LRBA: variants seen among roughly 807,000 people sequenced by gnomAD.
LRBA encodes LPS responsive beige-like anchor protein.
A neutral mutation model predicts 330.0 loss-of-function variants in LRBA; 176 were observed. That is an observed-to-expected ratio of 0.53 (90% CI 0.47 to 0.60). LRBA has a LOEUF of 0.60. LRBA is among the 20% of genes least tolerant of loss of function. The pLI, the probability that LRBA is intolerant of heterozygous loss-of-function variation, is 0.00. For missense variants in LRBA, 3,259 were observed against 3,444.8 expected (o/e 0.95, Z 1.35); for synonymous variants, 1,230 against 1,193.0 (o/e 1.03, Z -0.64).
intron 33 of LRBA, among the ~76,000 whole-genome samples, chr4:150,805,313 G>A (rs1397197114): frequency 2.5e-5 from 3 of 120,312 alleles, no homozygotes; most frequent in South Asian, 2.9e-4. Context: ...GGAAAGGAAA[G>A]GAAAGGAAAG....
At chr4:150,364,818 G>C (rs940140132) in intron 47 of LRBA, among the ~76,000 whole-genome samples, 4 of 152,010 alleles carry the variant, frequency 2.6e-5, no homozygotes, top group African/African-American at 9.7e-5. Flanking sequence ...TCTTGGAACT[G>C]AGCATATAGT....
At chr4:150,783,990 T>G (rs1393208656) in intron 34 of LRBA, among the ~76,000 whole-genome samples, 1 of 152,144 alleles carries the variant, frequency 6.6e-6, no homozygotes, top group Non-Finnish European at 1.5e-5. Context: ...TACTCAGAGA[T>G]AAAATCAGGA....
At chr4:151,008,048 G>T (rs1388149271) in intron 2 of LRBA, among the ~76,000 whole-genome samples, 1 of 151,590 alleles carries the variant, frequency 6.6e-6, no homozygotes, top group Non-Finnish European at 1.5e-5. Context: ...AAAAATCATT[G>T]ACTTGTATAC....
At chr4:150,992,118 C>T (rs544125310) in intron 2 of LRBA, among the ~76,000 whole-genome samples, 1 of 152,256 alleles carries the variant, frequency 6.6e-6, no homozygotes, top group African/African-American at 2.4e-5. Flanking sequence ...GAGTTCGAGA[C>T]CAGCCTAGCC....
chr4:150,503,254 C>G (rs1051323949), intron 40 of LRBA, among the ~76,000 whole-genome samples: 2 of 152,216 alleles, frequency 1.3e-5, no homozygotes, highest in Admixed American at 6.5e-5. Context: ...CAGACCGCCT[C>G]CTCAAGTGGG....
In LRBA at chr4:150,844,634, AAATT is replaced by A; in HGVS notation, c.4461+20_4461+23del. 11 of 1,577,594 alleles carry A rather than the reference AAATT, an allele frequency of 7.0e-6. No homozygotes were observed. Among genetic ancestry groups the A allele is most frequent in the East Asian group, 2.2e-5 (1 of 44,506 alleles). ...TGTAAAATAGGAGTATGCTTTTTGA[AAATT>A]AATTAATCTGTATACTTACCTTCGC... On this transcript the variant is annotated intron_variant, in intron 27 of 56. Transcript: ENST00000651943.
intron 2 of LRBA, among the ~76,000 whole-genome samples, chr4:150,960,664 T>C (rs1292895640): frequency 2.0e-5 from 3 of 149,102 alleles, no homozygotes; most frequent in Non-Finnish European, 4.4e-5. Context: ...CAAAATTCTA[T>C]TTCTTGACCT....
At chr4:150,692,070 T>C (rs1382791677) in intron 36 of LRBA, among the ~76,000 whole-genome samples, 1 of 152,198 alleles carries the variant, frequency 6.6e-6, no homozygotes, top group African/African-American at 2.4e-5. Context: ...GGGAATTCTC[T>C]AGGATGACAA....
chr4:150,648,836 G>C (rs1266541831), intron 37 of LRBA, among the ~76,000 whole-genome samples: 1 of 152,070 alleles, frequency 6.6e-6, no homozygotes, highest in African/African-American at 2.4e-5. Flanking sequence ...TCACACTATA[G>C]TTTCAAGTAC....
intron 35 of LRBA, among the ~76,000 whole-genome samples, chr4:150,755,962 C>T (rs1734233235): frequency 6.6e-6 from 1 of 151,188 alleles, no homozygotes; most frequent in Non-Finnish European, 1.5e-5. Context: ...GAGAGGATCA[C>T]TTGAGCCAGG....
intron 35 of LRBA, among the ~76,000 whole-genome samples, chr4:150,737,466 T>C (rs1231157571): frequency 1.5e-5 from 2 of 131,012 alleles, no homozygotes; most frequent in South Asian, 2.4e-4. Flanking sequence ...ACAGAACGAA[T>C]GAACAAACGA....
At chr4:150,292,412 T>G (rs1315721748) in intron 53 of LRBA, among the ~76,000 whole-genome samples, 2 of 152,230 alleles carry the variant, frequency 1.3e-5, no homozygotes, top group Non-Finnish European at 2.9e-5. Context: ...TATAACGTTT[T>G]CACTTGTAGG....
At chr4:150,566,449 G>A (rs1302135741) in intron 40 of LRBA, among the ~76,000 whole-genome samples, 1 of 151,906 alleles carries the variant, frequency 6.6e-6, no homozygotes, top group Non-Finnish European at 1.5e-5. Context: ...ATTCATGAAT[G>A]AATAAAATAG....
intron 46 of LRBA, among the ~76,000 whole-genome samples, chr4:150,425,644 G>A (rs1749493547): frequency 6.6e-6 from 1 of 152,146 alleles, no homozygotes; most frequent in South Asian, 2.1e-4. Context: ...CAGGCTGTAT[G>A]ATTCTCCTTT....
intron 44 of LRBA, among the ~76,000 whole-genome samples, chr4:150,462,506 CT>C (rs1202507296): frequency 1.3e-5 from 2 of 150,918 alleles, no homozygotes; most frequent in African/African-American, 2.4e-5. Context: ...TCCATTCAGA[CT>C]TTTTTTTTCT....
intron 29 of LRBA, among the ~76,000 whole-genome samples, chr4:150,829,243 G>T (rs985776409): frequency 6.6e-6 from 1 of 151,988 alleles, no homozygotes; most frequent in African/African-American, 2.4e-5. Flanking sequence ...GCCCAAGTCC[G>T]CAATCTTTAG....
chr4:150,937,261 C>T (rs1244379774), intron 2 of LRBA, among the ~76,000 whole-genome samples: 1 of 152,030 alleles, frequency 6.6e-6, no homozygotes, highest in East Asian at 1.9e-4. Flanking sequence ...ACAGGGTCTA[C>T]AGTATGTCAT....
intron 40 of LRBA, among the ~76,000 whole-genome samples, chr4:150,539,705 A>G (rs1765110682): frequency 6.6e-6 from 1 of 152,188 alleles, no homozygotes; most frequent in Non-Finnish European, 1.5e-5. Context: ...ATTATACATT[A>G]ATTGACCTGA....
chr4:150,270,058 G>A (rs1259551757), intron 56 of LRBA, among the ~76,000 whole-genome samples: 1 of 152,226 alleles, frequency 6.6e-6, no homozygotes, highest in Non-Finnish European at 1.5e-5. Flanking sequence ...GACCACGCCT[G>A]TTAGGACAAC....
Sources: gnomAD v4.1 joint callset for allele counts (sites outside exome capture counted in the v4.1 genomes callset) on GRCh38, gnomAD v4.1.1 for gene constraint, MANE v1.5 for transcripts, NCBI Gene and HGNC (gene_info 2026-07-23, HGNC 2026-07-21) for gene names.